Variants in MEGF9 observed in about 807,000 individuals in gnomAD.
MEGF9 encodes multiple epidermal growth factor-like domains protein 9.
In MEGF9, 6 loss-of-function variants were observed where a neutral mutation model predicts 46.8. The ratio of observed to expected loss-of-function variants is 0.13; its 90% CI spans 0.07 to 0.25. The LOEUF (loss-of-function observed/expected upper bound fraction) is 0.25, where lower values mean the gene tolerates loss of function less well. Ranked by LOEUF, MEGF9 falls within the 10% of genes least tolerant of loss-of-function variation. The pLI, the probability that MEGF9 is intolerant of heterozygous loss-of-function variation, is 1.00. For synonymous variants in MEGF9, 302 were observed against 330.7 expected (o/e 0.91, Z 0.94); for missense variants, 683 against 792.4 (o/e 0.86, Z 1.66).
At chr9:120,688,130 AACACACACACACACACACAC>A (rs34218836) in intron 1 of MEGF9, among the ~76,000 whole-genome samples, 1 of 142,526 alleles carries the variant, frequency 7.0e-6, no homozygotes, top group Non-Finnish European at 1.5e-5. Context: ...TCCTCTCCGC[AACACACACACACACACACAC>A]ACACACACAC....
At chr9:120,624,545 G>GA (rs956185608) in intron 2 of MEGF9, among the ~76,000 whole-genome samples, 2 of 150,484 alleles carry the variant, frequency 1.3e-5, no homozygotes, top group Admixed American at 6.6e-5. Flanking sequence ...AAAACAACAA[G>GA]AAAAAAAAAG....
In MEGF9 at chr9:120,713,931, G is replaced by A; in HGVS notation, c.428C>T (p.Pro143Leu). ...TSTTSQAPTR[P>L]APTTLSTTTG... ...GGTCGTCGAAAGGGTGGTCGGCGCG[G>A]GTCTGGTCGGCGCCTGAGAGGTGGT... Residue 143 changes from proline (P) to leucine (L), a missense_variant, in exon 1 of 6, where the codon CCC becomes CTC. This residue lies in a region of MEGF9 where 370 missense variants were observed against 371.3 expected (regional missense o/e 1.00). Transcript: ENST00000373930. 2 of 1,368,228 alleles carry A rather than the reference G, an allele frequency of 1.5e-6. No homozygotes were observed. Among genetic ancestry groups the A allele is most frequent in the Non-Finnish European group, 1.9e-6 (2 of 1,055,564 alleles). The allele number at this position is 1,368,228 out of a possible 1,614,324, so 84.8% of individuals were successfully genotyped here.
intron 1 of MEGF9, 33 bp from the exon 2 acceptor site, chr9:120,659,608 A>G (rs1167830741): frequency 6.6e-7 from 1 of 1,504,810 alleles, no homozygotes; most frequent in Non-Finnish European, 9.0e-7. Context: ...GACATTACCA[A>G]CTAAGATTTA....
chr9:120,691,038 T>C (rs1215574383), intron 1 of MEGF9, among the ~76,000 whole-genome samples: 3 of 152,150 alleles, frequency 2.0e-5, no homozygotes, highest in African/African-American at 7.2e-5. Flanking sequence ...CTTTGAGTCA[T>C]AGTTTCTTCA....
At chr9:120,680,912 T>C (rs918097701) in intron 1 of MEGF9, among the ~76,000 whole-genome samples, 38 of 145,390 alleles carry the variant, frequency 2.6e-4, no homozygotes, top group Admixed American at 2.4e-3. Flanking sequence ...TGGGACTCTG[T>C]TTTCCAGGCA....
chr9:120,664,598 C>T (rs1256520223), intron 1 of MEGF9, among the ~76,000 whole-genome samples: 2 of 152,142 alleles, frequency 1.3e-5, no homozygotes, highest in Non-Finnish European at 2.9e-5. Context: ...TGCATTTAAG[C>T]ATAGATACTA....
In MEGF9 at chr9:120,657,801, T is replaced by C. The variant is rs1380252549; in HGVS notation, c.803+1573A>G. On this transcript the variant is annotated intron_variant, in intron 2 of 5. Coordinates refer to ENST00000373930, the MANE Select transcript of MEGF9 (RefSeq NM_001080497.3). ...CGGTATGCTATGGTAGTGAAGACAC[T>C]GGACTTGGAATTGAAGACCTAATTT... is the stretch of plus-strand genomic sequence containing the variant. Among the ~76,000 whole-genome samples the C allele has an allele frequency of 3.3e-5, 5 of 152,174 alleles. No individual in the cohort carries two copies. The East Asian group carries it at 9.6e-4, about 29-fold the overall frequency.
intron 2 of MEGF9, among the ~76,000 whole-genome samples, chr9:120,638,658 T>C (rs1182355577): frequency 5.3e-5 from 8 of 152,248 alleles, no homozygotes; most frequent in Non-Finnish European, 7.3e-5. Flanking sequence ...TCGCCAATAC[T>C]TGACGCTATC....
rs1391017549 is a variant in MEGF9 at position 120,693,294 on chromosome 9, AGAAG to A, written c.601+20460_601+20463del. Among the ~76,000 whole-genome samples, 499 of 89,624 alleles carry A rather than the reference AGAAG, an allele frequency of 5.6e-3. 2 individuals carry two copies. Among genetic ancestry groups the A allele is most frequent in the African/African-American group, 0.017 (458 of 27,242 alleles). The allele number at this position is 89,624 out of a possible 152,430, so 58.8% of individuals were successfully genotyped here. A position where few individuals can be genotyped will look rare whatever the true frequency, so the allele number is the denominator to read the frequency against. On this transcript the variant is annotated intron_variant, in intron 1 of 5. Transcript: ENST00000373930. ...GTTAACCAAAAAAAAAAAAAAAAAA[AGAAG>A]AAGAAGAAGAAGAAGAAAAAGGAAA...
At chr9:120,607,452 T>C (rs2043424175) in intron 5 of MEGF9, among the ~76,000 whole-genome samples, 1 of 152,060 alleles carries the variant, frequency 6.6e-6, no homozygotes, top group Non-Finnish European at 1.5e-5. Context: ...ATAAAAGAAA[T>C]GATAGGATTC....
At chr9:120,660,181 A>G (rs550830482) in intron 1 of MEGF9, among the ~76,000 whole-genome samples, 1 of 152,292 alleles carries the variant, frequency 6.6e-6, no homozygotes, top group East Asian at 1.9e-4. Flanking sequence ...TCTTTTAAGT[A>G]TATTTCAAAC....
At position 120,605,710 on chromosome 9, in the gene MEGF9, A is replaced by G. The variant is rs1014128785; in HGVS notation, c.1358-69T>C. The stretch of plus-strand genomic sequence containing the variant: ...CTAGTTTTGAGAAACAATAAAAGAA[A>G]TACGCATGGGAGTGAATGTTGATGT... On this transcript the variant is annotated intron_variant, in intron 5 of 5. Transcript: ENST00000373930. This position sits in a 1 kb window ranked among gnomAD's most constrained non-coding sequence, Gnocchi z 4.0. The G allele has an allele frequency of 4.5e-5, 52 of 1,145,270 alleles. No individual in the cohort carries two copies. The African/African-American group carries it at 5.8e-4, about 13-fold the overall frequency. The allele number at this position is 1,145,270 out of a possible 1,614,324, so 70.9% of individuals were successfully genotyped here.
intron 3 of MEGF9, among the ~76,000 whole-genome samples, chr9:120,622,393 C>A (rs2043503537): frequency 6.8e-6 from 1 of 146,370 alleles, no homozygotes; most frequent in South Asian, 2.3e-4. Context: ...TCCTATAGTT[C>A]TCCTTGCCTC....
chr9:120,639,476 C>G (rs149449827), intron 2 of MEGF9, among the ~76,000 whole-genome samples: 2 of 146,282 alleles, frequency 1.4e-5, no homozygotes, highest in Non-Finnish European at 3.0e-5. Flanking sequence ...CCACTGCACT[C>G]CAGCCTGGGT....
chr9:120,653,757 A>G (rs987194900), intron 2 of MEGF9, among the ~76,000 whole-genome samples: 1 of 152,266 alleles, frequency 6.6e-6, no homozygotes, highest in African/African-American at 2.4e-5. Flanking sequence ...GAAGTTTAAT[A>G]TGCCAAAGAC....
intron 2 of MEGF9, among the ~76,000 whole-genome samples, chr9:120,641,133 T>C (rs80155787): frequency 6.6e-6 from 1 of 152,200 alleles, no homozygotes; most frequent in South Asian, 2.1e-4. Context: ...ATTAATTCCA[T>C]GTCTTTGCTA....
intron 2 of MEGF9, among the ~76,000 whole-genome samples, chr9:120,655,954 C>T (rs765622505): frequency 2.6e-5 from 4 of 152,136 alleles, no homozygotes; most frequent in South Asian, 2.1e-4. Context: ...CAGTATTTGG[C>T]TGTATTTCTG....
At chr9:120,629,344 T>G (rs2043540636) in intron 2 of MEGF9, among the ~76,000 whole-genome samples, 1 of 151,982 alleles carries the variant, frequency 6.6e-6, no homozygotes, top group Non-Finnish European at 1.5e-5. Context: ...TAAATAAACT[T>G]TTATTGGAAC....
intron 5 of MEGF9, among the ~76,000 whole-genome samples, chr9:120,607,449 A>G (rs79086889): frequency 0.018 from 2,764 of 152,302 alleles, 77 homozygotes; most frequent in African/African-American, 0.062. Context: ...AGAATAAAAG[A>G]AATGATAGGA....
Sources: allele counts gnomAD v4.1 joint callset (sites outside exome capture counted in the v4.1 genomes callset), GRCh38; gene constraint gnomAD v4.1.1; regional missense constraint gnomAD v4.1.1; non-coding constraint Gnocchi (gnomAD v3.1); transcripts MANE v1.5; gene names NCBI Gene and HGNC (gene_info 2026-07-23, HGNC 2026-07-21).